Variants in SRRM3 observed in about 807,000 individuals in gnomAD.
SRRM3 encodes the protein serine/arginine repetitive matrix 3, also known as serine/arginine repetitive matrix protein 3.
A neutral mutation model predicts 66.2 loss-of-function variants in SRRM3; 27 were observed. The ratio of observed to expected loss-of-function variants is 0.41; its 90% CI spans 0.30 to 0.56. The LOEUF (loss-of-function observed/expected upper bound fraction) is 0.56. Among genes scored for constraint, SRRM3 ranks in the 20% least tolerant of loss-of-function variants. SRRM3 has a pLI of 0.32. For missense variants in SRRM3, 918 were observed against 991.9 expected, an observed-to-expected ratio of 0.93 and a Z score of 1.00; for synonymous variants, 391 against 414.9, an observed-to-expected ratio of 0.94 and a Z score of 0.70.
chr7:76,284,976 C>T (rs1020073047), intron 14 of SRRM3, among the ~76,000 whole-genome samples: 10 of 152,168 alleles, frequency 6.6e-5, no homozygotes, highest in African/African-American at 2.4e-4. Context: ...GACAGGGGAA[C>T]AGAGAGGCAG....
chr7:76,246,420 C>A (rs1583904268), intron 2 of SRRM3, among the ~76,000 whole-genome samples: 1 of 152,110 alleles, frequency 6.6e-6, no homozygotes, highest in South Asian at 2.1e-4. Flanking sequence ...AAAAATTAGC[C>A]AGGCATGGTG....
chr7:76,267,405 C>T lies in SRRM3; in HGVS notation c.978C>T (p.Gly326=), dbSNP rs1406479052. The change falls in exon 11 of 15, where the codon GGC becomes GGT. Residue 326 remains glycine (G), a synonymous_variant. Coordinates refer to ENST00000611745, the MANE Select transcript of SRRM3 (RefSeq NM_001110199.3). ...GGCAGCGGAGCGGAGCGCACGGGGG[C>T]CGCCCCGGCTCGGCGCACAGCCCGC... ...GSGQRSGAHG[G]RPGSAHSPPD... 22 of 1,389,632 alleles carry T rather than the reference C, an allele frequency of 1.6e-5. No homozygotes were observed. Among genetic ancestry groups the T allele is most frequent in the Non-Finnish European group, 1.9e-5 (21 of 1,077,664 alleles). The allele number at this position is 1,389,632 out of a possible 1,614,324, so 86.1% of individuals were successfully genotyped here. A position where few individuals can be genotyped will look rare whatever the true frequency, so the allele number is the denominator to read the frequency against.
intron 2 of SRRM3, among the ~76,000 whole-genome samples, chr7:76,238,510 T>G (rs928957637): frequency 1.3e-5 from 2 of 152,150 alleles, no homozygotes; most frequent in Admixed American, 6.6e-5. Context: ...GATGGCGTAC[T>G]TGGAGTCACC....
intron 11 of SRRM3, among the ~76,000 whole-genome samples, chr7:76,278,352 T>C (rs1411123795): frequency 6.6e-6 from 1 of 152,144 alleles, no homozygotes; most frequent in Non-Finnish European, 1.5e-5. Flanking sequence ...CCAGGCGTGG[T>C]GGCGGGCACC....
chr7:76,267,705 G>A (rs1190843428), intron 11 of SRRM3: 2 of 362,162 alleles, frequency 5.5e-6, no homozygotes, highest in African/African-American at 2.1e-5. Context: ...GAAGGCCAGA[G>A]GGGGGTTGAC....
intron 9 of SRRM3, 150 bp downstream of exon 9, chr7:76,264,965 C>G (rs1554609290): frequency 2.2e-6 from 2 of 920,850 alleles, no homozygotes; most frequent in East Asian, 5.4e-5. Context: ...GCCAAGGGCT[C>G]TTGCTGAGTC....
intron 1 of SRRM3, among the ~76,000 whole-genome samples, chr7:76,234,221 G>C (rs1243595359): frequency 2.0e-5 from 3 of 151,902 alleles, no homozygotes; most frequent in African/African-American, 2.4e-5. Context: ...GTGTGTGTGT[G>C]TGTCTGCTCT....
Position 76,235,308 on chromosome 7 carries a change from G to A in SRRM3, c.233+9G>A, listed in dbSNP as rs1554604739. ...ATGATGGAGGAGCAGGGGTGAGCAGGCCGCGGGGCGGGACTGGGGTGGGGA... is the reference window on the plus strand; with the variant it reads ...ATGATGGAGGAGCAGGGGTGAGCAGACCGCGGGGCGGGACTGGGGTGGGGA... On this transcript the variant is annotated intron_variant, in intron 2 of 14. Coordinates refer to ENST00000611745, the MANE Select transcript of SRRM3 (RefSeq NM_001110199.3). 3.3e-6 allele frequency: 5 copies of A among 1,495,078 alleles called. No homozygotes were observed. The South Asian group carries it at 3.8e-5, about 11-fold the overall frequency. The allele number at this position is 1,495,078 out of a possible 1,614,324, so 92.6% of individuals were successfully genotyped here. A position where few individuals can be genotyped will look rare whatever the true frequency, so the allele number is the denominator to read the frequency against.
intron 1 of SRRM3, among the ~76,000 whole-genome samples, chr7:76,212,247 A>T (rs1182874726): frequency 5.1e-5 from 7 of 138,170 alleles, no homozygotes; most frequent in African/African-American, 1.7e-4. Context: ...TAGAGTCTTG[A>T]CCTCCCCCAG....
chr7:76,270,963 G>A (rs1248581167), intron 11 of SRRM3, among the ~76,000 whole-genome samples: 17 of 151,102 alleles, frequency 1.1e-4, no homozygotes, highest in Admixed American at 1.1e-3. Context: ...TGACAAGAGC[G>A]AGACTCTGTC....
At chr7:76,219,369 T>G (rs1297707895) in intron 1 of SRRM3, among the ~76,000 whole-genome samples, 1 of 152,214 alleles carries the variant, frequency 6.6e-6, no homozygotes, top group Admixed American at 6.5e-5. Context: ...TGGGCTGCAT[T>G]ACCTGTACTG....
At chr7:76,278,104 C>T (rs1302135334) in intron 11 of SRRM3, among the ~76,000 whole-genome samples, 1 of 152,160 alleles carries the variant, frequency 6.6e-6, no homozygotes, top group African/African-American at 2.4e-5. Context: ...TTCTGGGGCA[C>T]TGGCTGCCTG....
At chr7:76,225,857 T>G (rs1454228518) in intron 1 of SRRM3, among the ~76,000 whole-genome samples, 2 of 152,248 alleles carry the variant, frequency 1.3e-5, no homozygotes. Context: ...AGTTTCATTT[T>G]ACAGGCAAGG....
chr7:76,273,852 C>A (rs1234032932), intron 11 of SRRM3, among the ~76,000 whole-genome samples: 3 of 152,138 alleles, frequency 2.0e-5, no homozygotes, highest in African/African-American at 7.2e-5. Flanking sequence ...TAGCCCATCT[C>A]CCCTCCTTCT....
intron 10 of SRRM3, among the ~76,000 whole-genome samples, chr7:76,265,844 A>AAATATT (rs1554609501): frequency 0.026 from 229 of 8,764 alleles, 49 homozygotes; most frequent in African/African-American, 0.11. Flanking sequence ...ATATATATAT[A>AAATATT]TATATATATA....
At chr7:76,265,859 T>TATAAATA (rs1491492869) in intron 10 of SRRM3, among the ~76,000 whole-genome samples, 13 of 5,284 alleles carry the variant, frequency 2.5e-3, no homozygotes, top group South Asian at 0.018. Flanking sequence ...TATATATATA[T>TATAAATA]TTTTTTTTTT....
At chr7:76,230,285 T>C (rs1489045485) in intron 1 of SRRM3, among the ~76,000 whole-genome samples, 5 of 152,162 alleles carry the variant, frequency 3.3e-5, no homozygotes, top group Non-Finnish European at 5.9e-5. Context: ...CTTTTGAGTA[T>C]AGGTCAATCA....
intron 1 of SRRM3, among the ~76,000 whole-genome samples, chr7:76,204,842 G>A (rs1409263431): frequency 6.6e-6 from 1 of 152,152 alleles, no homozygotes; most frequent in Non-Finnish European, 1.5e-5. Flanking sequence ...GGAGGCCAAG[G>A]CAGGAGGATC....
intron 1 of SRRM3, among the ~76,000 whole-genome samples, chr7:76,221,143 C>T (rs375468382): frequency 3.2e-4 from 48 of 150,198 alleles, no homozygotes; most frequent in African/African-American, 5.9e-4. Context: ...CCGCAACCTC[C>T]GCCTCCTGGG....
Sources: allele counts gnomAD v4.1 joint callset (sites outside exome capture counted in the v4.1 genomes callset), GRCh38; gene constraint gnomAD v4.1.1; transcripts MANE v1.5; gene names NCBI Gene and HGNC (gene_info 2026-07-23, HGNC 2026-07-21).